ANKS1B: variants seen among roughly 807,000 people sequenced by gnomAD.
ANKS1B encodes ankyrin repeat and sterile alpha motif domain containing 1B.
Under a neutral mutation model 148.3 loss-of-function variants are expected in ANKS1B, and 36 were observed. That is an observed-to-expected ratio of 0.24 (90% CI 0.19 to 0.32). The LOEUF is 0.32. Among genes scored for constraint, ANKS1B ranks in the 10% least tolerant of loss-of-function variants. The pLI is 1.00. For synonymous variants in ANKS1B, 542 were observed against 560.8 expected, an observed-to-expected ratio of 0.97 and a Z score of 0.47; for missense variants, 1,157 against 1,542.6, an observed-to-expected ratio of 0.75 and a Z score of 4.19.
chr12:99,051,660 G>A (rs1436213045), intron 17 of ANKS1B, among the ~76,000 whole-genome samples: 1 of 152,214 alleles, frequency 6.6e-6, no homozygotes, highest in Non-Finnish European at 1.5e-5. Context: ...AAGGCTTTAT[G>A]TTAGACAATG....
At position 99,154,276 on chromosome 12, in the gene ANKS1B, G is replaced by A. The variant is rs745344478; in HGVS notation, c.2526+13C>T. On this transcript the variant is annotated intron_variant, in intron 15 of 26. Coordinates refer to ENST00000683438, the MANE Select transcript of ANKS1B (RefSeq NM_001352186.2). Reference sequence around the variant, plus strand: ...GACAAAAGGCAGCTCCGTGGACACAGAGAGCTTCTTACCATAAACTGCACA... The same window carrying A: ...GACAAAAGGCAGCTCCGTGGACACAAAGAGCTTCTTACCATAAACTGCACA... 1.4e-5 allele frequency: 23 copies of A among 1,613,190 alleles called. No individual in the cohort carries two copies. The highest frequency in any genetic ancestry group is 1.9e-5 in the Non-Finnish European group (22 of 1,179,474).
At chr12:99,189,082 G>C (rs140497180) in intron 14 of ANKS1B, among the ~76,000 whole-genome samples, 89 of 152,220 alleles carry the variant, frequency 5.8e-4, no homozygotes, top group Middle Eastern at 3.4e-3. Context: ...AAATAAACTA[G>C]AAAATCTAGA....
At chr12:99,837,315 G>C (rs1451721032) in intron 1 of ANKS1B, among the ~76,000 whole-genome samples, 1 of 152,114 alleles carries the variant, frequency 6.6e-6, no homozygotes, top group Non-Finnish European at 1.5e-5. Flanking sequence ...CAGGACTATA[G>C]GATAACAGAT....
intron 8 of ANKS1B, among the ~76,000 whole-genome samples, chr12:99,679,864 G>C (rs923886885): frequency 2.6e-5 from 4 of 152,266 alleles, no homozygotes; most frequent in African/African-American, 9.6e-5. Flanking sequence ...CACTCGGATG[G>C]AGAGAACAGC....
intron 9 of ANKS1B, among the ~76,000 whole-genome samples, chr12:99,641,363 A>G (rs1033919342): frequency 2.6e-5 from 4 of 152,220 alleles, no homozygotes; most frequent in Admixed American, 2.6e-4. Flanking sequence ...TAGTCAGGCC[A>G]ATTACTTTAA....
chr12:99,135,121 G>A (rs1307187723), intron 15 of ANKS1B, among the ~76,000 whole-genome samples: 1 of 151,986 alleles, frequency 6.6e-6, no homozygotes, highest in East Asian at 1.9e-4. Flanking sequence ...AGAAAAGGGT[G>A]CCAAAAAAGG....
chr12:99,493,834 A>G (rs142225575), intron 10 of ANKS1B, among the ~76,000 whole-genome samples: 3 of 152,344 alleles, frequency 2.0e-5, no homozygotes, highest in Non-Finnish European at 4.4e-5. Flanking sequence ...TAAAGATATT[A>G]GATGGATTAA....
intron 9 of ANKS1B, among the ~76,000 whole-genome samples, chr12:99,643,119 T>C (rs1020266237): frequency 6.6e-6 from 1 of 152,202 alleles, no homozygotes; most frequent in Non-Finnish European, 1.5e-5. Flanking sequence ...GGAGGAGCAT[T>C]ATGCTGTCTT....
At chr12:99,427,924 A>G (rs1423736681) in intron 11 of ANKS1B, among the ~76,000 whole-genome samples, 1 of 152,208 alleles carries the variant, frequency 6.6e-6, no homozygotes, top group African/African-American at 2.4e-5. Flanking sequence ...GGAGAGTTGC[A>G]GGAATTTGGG....
At chr12:98,879,230 C>A (rs1400760898) in intron 17 of ANKS1B, among the ~76,000 whole-genome samples, 4 of 152,156 alleles carry the variant, frequency 2.6e-5, no homozygotes, top group Non-Finnish European at 5.9e-5. Context: ...TAACAGCCAG[C>A]ATTAATTGAG....
chr12:99,932,607 T>C lies in ANKS1B; in HGVS notation c.134+51497A>G, dbSNP rs554803873. On this transcript the variant is annotated intron_variant, in intron 1 of 26. Transcript: ENST00000683438. ...AATGTCTTTTCAAATATTTTGCCAATATTTTAATTGAATTACTAGATTTTT... is the reference window on the plus strand; with the variant it reads ...AATGTCTTTTCAAATATTTTGCCAACATTTTAATTGAATTACTAGATTTTT... 2.6e-5 allele frequency among the ~76,000 whole-genome samples: 4 copies of C among 152,308 alleles called. No individual in the cohort carries two copies. In the East Asian group the frequency reaches 7.7e-4, roughly 29 times the overall value.
At chr12:99,262,809 G>A (rs115485797) in intron 12 of ANKS1B, among the ~76,000 whole-genome samples, 3,613 of 151,944 alleles carry the variant, frequency 0.024, 142 homozygotes, top group African/African-American at 0.082. Context: ...TGATACATTT[G>A]ATTTTGTTTC....
At chr12:99,560,590 G>A (rs2097323431) in intron 9 of ANKS1B, among the ~76,000 whole-genome samples, 1 of 151,854 alleles carries the variant, frequency 6.6e-6, no homozygotes, top group Non-Finnish European at 1.5e-5. Flanking sequence ...ATTTCACCCG[G>A]GCATATAAAC....
chr12:99,453,640 T>C (rs938607070), intron 10 of ANKS1B, among the ~76,000 whole-genome samples: 18 of 152,340 alleles, frequency 1.2e-4, no homozygotes, highest in Admixed American at 7.2e-4. Context: ...GGCATCCCGC[T>C]AAGTCCCTCC....
chr12:99,091,295 C>A (rs2053903372), intron 15 of ANKS1B, among the ~76,000 whole-genome samples: 1 of 152,054 alleles, frequency 6.6e-6, no homozygotes, highest in South Asian at 2.1e-4. Flanking sequence ...AAACCCAATT[C>A]CCCTTTGAAA....
chr12:99,238,089 C>T (rs182868078), intron 14 of ANKS1B, among the ~76,000 whole-genome samples: 5 of 152,328 alleles, frequency 3.3e-5, no homozygotes, highest in African/African-American at 7.2e-5. Context: ...TGAAGCAGGG[C>T]GGGGTGTTGC....
intron 8 of ANKS1B, among the ~76,000 whole-genome samples, chr12:99,704,220 T>C (rs898479393): frequency 2.6e-5 from 4 of 152,048 alleles, no homozygotes; most frequent in Admixed American, 2.6e-4. Flanking sequence ...AGGAAAGTCC[T>C]CTGTGGGCTA....
chr12:99,854,064 G>A (rs2088527809), intron 1 of ANKS1B, among the ~76,000 whole-genome samples: 1 of 152,178 alleles, frequency 6.6e-6, no homozygotes, highest in Non-Finnish European at 1.5e-5. Context: ...AGGATGGTGT[G>A]CAGTGGTGCG....
chr12:99,795,237 C>T (rs1414653643), intron 4 of ANKS1B, among the ~76,000 whole-genome samples: 5 of 151,580 alleles, frequency 3.3e-5, no homozygotes, highest in Non-Finnish European at 7.4e-5. Context: ...AGTAAAACTA[C>T]AAAACTACTA....
Sources: allele counts gnomAD v4.1 joint callset (sites outside exome capture counted in the v4.1 genomes callset), GRCh38; gene constraint gnomAD v4.1.1; transcripts MANE v1.5; gene names NCBI Gene and HGNC (gene_info 2026-07-23, HGNC 2026-07-21).